Variants in MCF2L observed in about 807,000 individuals in gnomAD.
MCF2L encodes the protein MCF.2 cell line derived transforming sequence like.
In MCF2L, 97 loss-of-function variants were observed where a neutral mutation model predicts 153.4. The ratio of observed to expected loss-of-function variants is 0.63; its 90% CI spans 0.54 to 0.75. MCF2L has a LOEUF of 0.75. MCF2L is among the 30% of genes least tolerant of loss of function. The probability of loss-of-function intolerance (pLI) is 0.00; values close to 1 mark genes in which losing one functional copy is unlikely to be tolerated. For missense variants in MCF2L, 1,347 were observed against 1,495.2 expected (o/e 0.90, Z 1.64); for synonymous variants, 659 against 632.2 (o/e 1.04, Z -0.64).
chr13:112,961,631 C>T (rs2081827510), intron 2 of MCF2L, among the ~76,000 whole-genome samples: 1 of 152,256 alleles, frequency 6.6e-6, no homozygotes, highest in African/African-American at 2.4e-5. Flanking sequence ...CTGGCCGGGA[C>T]CTGCAGCCCT....
intron 2 of MCF2L, among the ~76,000 whole-genome samples, chr13:112,958,382 T>G (rs182229781): frequency 6.6e-6 from 1 of 152,328 alleles, no homozygotes; most frequent in African/African-American, 2.4e-5. Context: ...TCCTATTCTC[T>G]TAAGGCCATG....
intron 3 of MCF2L, among the ~76,000 whole-genome samples, chr13:113,038,115 A>C (rs1309593404): frequency 6.6e-6 from 1 of 152,246 alleles, no homozygotes. Flanking sequence ...GAATAAAATC[A>C]TATCTAATAA....
intron 2 of MCF2L, among the ~76,000 whole-genome samples, chr13:112,963,104 C>G (rs1372634963): frequency 6.6e-6 from 1 of 152,154 alleles, no homozygotes; most frequent in African/African-American, 2.4e-5. Context: ...TCATGGCAGC[C>G]TTCTCTCATG....
At chr13:113,004,496 A>G (rs1566719552) in intron 1 of MCF2L, among the ~76,000 whole-genome samples, 1 of 152,176 alleles carries the variant, frequency 6.6e-6, no homozygotes, top group Admixed American at 6.5e-5. Flanking sequence ...CCTCCATAAC[A>G]TAACCTGGGA....
At position 113,045,111 on chromosome 13, in the gene MCF2L, G is replaced by T; in HGVS notation, c.279-160G>T. The T allele has an allele frequency of 1.1e-6, 1 of 903,792 alleles. No homozygotes were observed. 56.0% of individuals were successfully genotyped at this position (903,792 alleles called of 1,614,324 possible). A position where few individuals can be genotyped will look rare whatever the true frequency, so the allele number is the denominator to read the frequency against. ...GCAGGTTCTGGGACTGCGGGGATGG[G>T]GCTGCCGGGGCCCCCGTGTGCCATG... On this transcript the variant is annotated intron_variant, in intron 3 of 29. Transcript: ENST00000535094. The surrounding 1 kb of genome is among the most constrained non-coding windows in gnomAD (Gnocchi z 4.2).
intron 2 of MCF2L, among the ~76,000 whole-genome samples, chr13:112,954,740 A>G (rs1035102303): frequency 2.6e-5 from 4 of 152,190 alleles, no homozygotes; most frequent in African/African-American, 4.8e-5. Context: ...TGCACTCTTT[A>G]TGGAGCTTGG....
At chr13:112,967,743 T>C (rs1487467151), upstream of MCF2L, 1 of 152,720 alleles carries the variant, frequency 6.5e-6, no homozygotes, top group African/African-American at 2.4e-5. Context: ...TTTTGGACGC[T>C]GGAATGCTGG....
chr13:113,095,668 G>A (rs2035585999), intron 27 of MCF2L: 1 of 991,946 alleles, frequency 1.0e-6, no homozygotes, highest in Non-Finnish European at 1.2e-6. Flanking sequence ...CATCACGTGA[G>A]GGCAGGTGGC....
Position 113,045,424 on chromosome 13 carries a change from T to G in MCF2L, c.369+63T>G. 7.6e-7 allele frequency: 1 copy of G among 1,323,234 alleles called. No individual in the cohort carries two copies. The allele number at this position is 1,323,234 out of a possible 1,614,324, so 82.0% of individuals were successfully genotyped here. A position where few individuals can be genotyped will look rare whatever the true frequency, so the allele number is the denominator to read the frequency against. ...CTCCCTGGGCTGCATGACCGCATGG[T>G]GCCCTTCCTCTGTGTCTGCCGCAGT... On this transcript the variant is annotated intron_variant, in intron 4 of 29. Coordinates refer to ENST00000535094, the MANE Select transcript of MCF2L (RefSeq NM_001112732.3). The surrounding 1 kb of genome is among the most constrained non-coding windows in gnomAD (Gnocchi z 4.2).
chr13:112,928,173 T>C (rs1361932139), intron 2 of MCF2L, among the ~76,000 whole-genome samples: 1 of 152,210 alleles, frequency 6.6e-6, no homozygotes, highest in Non-Finnish European at 1.5e-5. Context: ...TTGCCTTGGA[T>C]TGATGGTGGT....
chr13:112,949,345 C>CA (rs1477008210), intron 2 of MCF2L, among the ~76,000 whole-genome samples: 1 of 151,926 alleles, frequency 6.6e-6, no homozygotes, highest in Non-Finnish European at 1.5e-5. Flanking sequence ...CAATCTTTTC[C>CA]AAAAAATAGA....
intron 4 of MCF2L, among the ~76,000 whole-genome samples, chr13:113,056,375 G>A (rs1223289667): frequency 6.6e-6 from 1 of 150,524 alleles, no homozygotes; most frequent in East Asian, 2.0e-4. Context: ...GAGTGTTTAG[G>A]TGCTGTGTGT....
At chr13:112,914,353 G>A (rs2081267952) in intron 2 of MCF2L, among the ~76,000 whole-genome samples, 1 of 152,226 alleles carries the variant, frequency 6.6e-6, no homozygotes, top group African/African-American at 2.4e-5. Context: ...CATCCATGAA[G>A]AAGCAGCATC....
At chr13:112,940,918 CTTTG>C (rs2081569400) in intron 2 of MCF2L, among the ~76,000 whole-genome samples, 3 of 152,184 alleles carry the variant, frequency 2.0e-5, no homozygotes, top group Non-Finnish European at 4.4e-5. Context: ...CAGCACCTTT[CTTTG>C]CTCTGGGGTC....
rs893744154 is a variant in MCF2L, at chr13:113,054,537, T to C, written c.370-6056T>C. Reference sequence around the variant, plus strand: ...ACAGAGACACAAACAAACTTTCAAATGCATATTTTTTATATAAACTTGTGT... The same window carrying C: ...ACAGAGACACAAACAAACTTTCAAACGCATATTTTTTATATAAACTTGTGT... On this transcript the variant is annotated intron_variant, in intron 4 of 29. Coordinates refer to ENST00000535094, the MANE Select transcript of MCF2L (RefSeq NM_001112732.3). The surrounding 1 kb of genome is among the most constrained non-coding windows in gnomAD (Gnocchi z 5.2). 6.4e-6 allele frequency: 1 copy of C among 157,030 alleles called. No individual in the cohort carries two copies. The highest frequency in any genetic ancestry group is 2.1e-4 in the South Asian group (1 of 4,830). The allele number at this position is 157,030 out of a possible 1,614,324, so 9.7% of individuals were successfully genotyped here. A position where few individuals can be genotyped will look rare whatever the true frequency, so the allele number is the denominator to read the frequency against.
chr13:113,008,778 G>GT (rs1420915985), intron 1 of MCF2L: 2 of 152,266 alleles, frequency 1.3e-5, no homozygotes, highest in Non-Finnish European at 2.9e-5. Flanking sequence ...TTCCCTTGGA[G>GT]TGTGGGGACT....
chr13:113,037,084 TG>T (rs2086202602), intron 3 of MCF2L, among the ~76,000 whole-genome samples: 1 of 152,144 alleles, frequency 6.6e-6, no homozygotes, highest in South Asian at 2.1e-4. Flanking sequence ...AGAGAGGGGC[TG>T]GGGGAGGTGC....
intron 5 of MCF2L, chr13:113,063,855 T>C (rs1304531471): frequency 7.0e-6 from 3 of 428,930 alleles, no homozygotes; most frequent in Admixed American, 2.7e-5. Context: ...TCAAGAATTA[T>C]CTAAGTGGGG....
intron 4 of MCF2L, among the ~76,000 whole-genome samples, chr13:113,058,761 G>A: frequency 1.0e-5 from 1 of 97,054 alleles, no homozygotes; most frequent in East Asian, 2.7e-4. Context: ...GTGTGTTTGG[G>A]GGCTGAGTAT....
Sources: allele counts gnomAD v4.1 joint callset (sites outside exome capture counted in the v4.1 genomes callset), GRCh38; gene constraint gnomAD v4.1.1; non-coding constraint Gnocchi (gnomAD v3.1); transcripts MANE v1.5; gene names NCBI Gene and HGNC (gene_info 2026-07-23, HGNC 2026-07-21).